The following WWP2 variants were observed in gnomAD, a reference collection of about 807,000 sequenced individuals.
WWP2 encodes the protein NEDD4-like E3 ubiquitin-protein ligase WWP2.
Under a neutral mutation model 121.0 loss-of-function variants are expected in WWP2, and 57 were observed. The observed-to-expected ratio is 0.47, with a 90% CI of 0.38 to 0.59. The LOEUF is 0.59. WWP2 is among the 20% of genes least tolerant of loss of function. WWP2 has a pLI of 0.00. For missense variants in WWP2, 962 were observed against 1,158.9 expected, an observed-to-expected ratio of 0.83 and a Z score of 2.47; for synonymous variants, 449 against 441.3, an observed-to-expected ratio of 1.02 and a Z score of -0.22.
intron 14 of WWP2, 22 bp downstream of exon 14, chr16:69,931,249 C>T (rs768321664): frequency 6.2e-7 from 1 of 1,613,656 alleles, no homozygotes; most frequent in Non-Finnish European, 8.5e-7. Context: ...TACTGGGGCT[C>T]CCGTGGCAGT....
intron 6 of WWP2, among the ~76,000 whole-genome samples, chr16:69,858,926 C>T (rs984056290): frequency 2.6e-5 from 4 of 152,096 alleles, no homozygotes; most frequent in Non-Finnish European, 5.9e-5. Context: ...GCACTGGATC[C>T]CACAGAGTGA....
At chr16:69,881,327 C>T (rs1194566114) in intron 7 of WWP2, among the ~76,000 whole-genome samples, 1 of 152,180 alleles carries the variant, frequency 6.6e-6, no homozygotes, top group African/African-American at 2.4e-5. Context: ...CTGAGTGGTC[C>T]CTCTGTGAGC....
chr16:69,839,375 G>A (rs1437276739), intron 4 of WWP2, among the ~76,000 whole-genome samples: 1 of 152,228 alleles, frequency 6.6e-6, no homozygotes, highest in Non-Finnish European at 1.5e-5. Context: ...GCACAGCCAA[G>A]TTCAGTAGCA....
At chr16:69,903,745 C>T (rs1000624155) in intron 8 of WWP2, among the ~76,000 whole-genome samples, 4 of 143,714 alleles carry the variant, frequency 2.8e-5, no homozygotes, top group African/African-American at 5.3e-5. Flanking sequence ...TCCAGCCTGG[C>T]GACAGAGCAA....
intron 1 of WWP2, chr16:69,786,168 A>G (rs1421443070): frequency 3.4e-5 from 5 of 147,212 alleles, no homozygotes; most frequent in African/African-American, 1.3e-4. Flanking sequence ...TTTTTGAGAC[A>G]GAATCTTGCT....
At chr16:69,850,319 G>A (rs2057181166) in intron 6 of WWP2, among the ~76,000 whole-genome samples, 1 of 149,942 alleles carries the variant, frequency 6.7e-6, no homozygotes, top group South Asian at 2.1e-4. Flanking sequence ...CCCAGGAGGT[G>A]GAGCTTGCAG....
At chr16:69,927,697 G>A (rs1454465398) in intron 11 of WWP2, among the ~76,000 whole-genome samples, 1 of 152,192 alleles carries the variant, frequency 6.6e-6, no homozygotes, top group Non-Finnish European at 1.5e-5. Flanking sequence ...CAGTAGCTTC[G>A]GGGCTGGGAG....
intron 8 of WWP2, among the ~76,000 whole-genome samples, chr16:69,892,155 TTCTC>T (rs1430189405): frequency 2.6e-5 from 4 of 151,494 alleles, no homozygotes; most frequent in Non-Finnish European, 5.9e-5. Flanking sequence ...GAAACAATGA[TTCTC>T]TCTTTTTTTT....
At chr16:69,835,885 C>A (rs2056868409) in intron 4 of WWP2, among the ~76,000 whole-genome samples, 1 of 151,048 alleles carries the variant, frequency 6.6e-6, no homozygotes, top group African/African-American at 2.4e-5. Flanking sequence ...TCCCTGCAAT[C>A]TCCGCCTGCC....
At chr16:69,899,496 G>A (rs915983678) in intron 8 of WWP2, among the ~76,000 whole-genome samples, 2 of 152,000 alleles carry the variant, frequency 1.3e-5, no homozygotes, top group Non-Finnish European at 2.9e-5. Context: ...TCGCGAGGCC[G>A]AGGCAGGTGG....
intron 1 of WWP2, among the ~76,000 whole-genome samples, chr16:69,768,673 C>G (rs963257947): frequency 6.6e-6 from 1 of 152,116 alleles, no homozygotes; most frequent in African/African-American, 2.4e-5. Context: ...ACCTAGGGCC[C>G]GTCCTCTTCC....
chr16:69,810,301 G>C (rs1430534264), intron 4 of WWP2, among the ~76,000 whole-genome samples: 1 of 41,350 alleles, frequency 2.4e-5, no homozygotes, highest in African/African-American at 7.1e-5. Context: ...TCTCTGAGGG[G>C]ACATTCGCCC....
rs965834814 is a variant in WWP2, at chr16:69,779,779, G to C, written c.-15-7217G>C. Among the ~76,000 whole-genome samples the C allele has an allele frequency of 2.0e-5, 3 of 152,058 alleles. No individual in the cohort carries two copies. In the East Asian group the frequency reaches 5.8e-4, roughly 29 times the overall value. On this transcript the variant is annotated intron_variant, in intron 1 of 23. Coordinates refer to ENST00000359154, the MANE Select transcript of WWP2 (RefSeq NM_001270454.2). ...AGTCTGTAAATAATGGATTTCCAGC[G>C]TTTAGTGCTTTAACCCCTGTTAACT...
At chr16:69,860,774 G>T (rs2057402760) in intron 6 of WWP2, among the ~76,000 whole-genome samples, 1 of 151,996 alleles carries the variant, frequency 6.6e-6, no homozygotes, top group Non-Finnish European at 1.5e-5. Context: ...GGCCGAGGCT[G>T]GAGGATTGCT....
intron 2 of WWP2, among the ~76,000 whole-genome samples, chr16:69,788,378 G>A (rs1352587542): frequency 6.6e-6 from 1 of 152,084 alleles, no homozygotes; most frequent in East Asian, 1.9e-4. Flanking sequence ...CCATTCAAGG[G>A]TGCTCCATTT....
chr16:69,780,035 G>A (rs1005398844), intron 1 of WWP2, among the ~76,000 whole-genome samples: 19 of 152,176 alleles, frequency 1.2e-4, no homozygotes, highest in African/African-American at 4.6e-4. Context: ...ATAAAATGTT[G>A]TAGATACAGT....
rs934116318 is a variant in WWP2 at position 69,925,096 on chromosome 16, C to T, written c.1180-334C>T. ...CGGAGGCACTGGGCCGAGCCTGCTTCCCGGGCCTTCCTACCATGCCAGGGC... is the reference window on the plus strand; with the variant it reads ...CGGAGGCACTGGGCCGAGCCTGCTTTCCGGGCCTTCCTACCATGCCAGGGC... On this transcript the variant is annotated intron_variant, in intron 10 of 23. Transcript: ENST00000359154. The surrounding 1 kb of genome is among the most constrained non-coding windows in gnomAD (Gnocchi z 4.0). 1 of 1,072,688 alleles carries T rather than the reference C, an allele frequency of 9.3e-7. No homozygotes were observed. Among genetic ancestry groups the T allele is most frequent in the Admixed American group, 5.2e-5 (1 of 19,380 alleles). The allele number at this position is 1,072,688 out of a possible 1,614,324, so 66.4% of individuals were successfully genotyped here. A position where few individuals can be genotyped will look rare whatever the true frequency, so the allele number is the denominator to read the frequency against.
In WWP2 at chr16:69,847,287, A is replaced by G. The variant is rs557032958; in HGVS notation, c.575+5167A>G. The stretch of plus-strand genomic sequence containing the variant: ...TTTAGTAGAGACGGGGTTTCACCAT[A>G]TTGGTCAGGCTGGTCTCAAACTCCT... On this transcript the variant is annotated intron_variant, in intron 6 of 23. Transcript: ENST00000359154. Among the ~76,000 whole-genome samples the G allele has an allele frequency of 4.0e-5, 6 of 150,788 alleles. No individual in the cohort carries two copies. The East Asian group carries it at 1.2e-3, about 29-fold the overall frequency.
intron 4 of WWP2, among the ~76,000 whole-genome samples, chr16:69,808,755 T>C (rs977561130): frequency 2.0e-5 from 3 of 152,248 alleles, no homozygotes; most frequent in Non-Finnish European, 4.4e-5. Flanking sequence ...TACACCATAA[T>C]TTATTTCTCC....
Sources: gnomAD v4.1 joint callset for allele counts (sites outside exome capture counted in the v4.1 genomes callset) on GRCh38, gnomAD v4.1.1 for gene constraint, Gnocchi (gnomAD v3.1) non-coding constraint, MANE v1.5 for transcripts, NCBI Gene and HGNC (gene_info 2026-07-23, HGNC 2026-07-21) for gene names.